The following USP4 variants were observed in gnomAD, a reference collection of about 807,000 sequenced individuals.
USP4 encodes the protein ubiquitin carboxyl-terminal hydrolase 4.
A neutral mutation model predicts 118.2 loss-of-function variants in USP4; 72 were observed. The observed-to-expected ratio is 0.61, with a 90% CI of 0.50 to 0.74. USP4 has a LOEUF of 0.74. USP4 is among the 30% of genes least tolerant of loss of function. The pLI is 0.00. For synonymous variants in USP4, 415 were observed against 440.4 expected (o/e 0.94, Z 0.72); for missense variants, 1,037 against 1,185.7 (o/e 0.87, Z 1.84).
intron 7 of USP4, among the ~76,000 whole-genome samples, chr3:49,311,258 AC>A (rs534404209): frequency 2.0e-5 from 3 of 151,188 alleles, no homozygotes; most frequent in Non-Finnish European, 4.4e-5. Context: ...AAATGCAGTG[AC>A]CCCCCCACCC....
chr3:49,311,874 C>G, intron 6 of USP4: 1 of 1,217,314 alleles, frequency 8.2e-7, no homozygotes, highest in South Asian at 1.8e-5. Flanking sequence ...ACCACATACC[C>G]TTTCAGTGTG....
At chr3:49,299,486 G>A (rs1440817322) in intron 11 of USP4, among the ~76,000 whole-genome samples, 3 of 151,406 alleles carry the variant, frequency 2.0e-5, no homozygotes, top group Admixed American at 6.6e-5. Context: ...TCCGCCTCCC[G>A]GGTTCACGCC....
At position 49,277,303 on chromosome 3, in the gene USP4, C is replaced by T. The variant is rs771323272; in HGVS notation, c.*990G>A. The T allele has an allele frequency of 1.1e-5, 13 of 1,219,088 alleles. No individual in the cohort carries two copies. Among genetic ancestry groups the T allele is most frequent in the African/African-American group, 1.6e-5 (1 of 64,362 alleles). The allele number at this position is 1,219,088 out of a possible 1,614,324, so 75.5% of individuals were successfully genotyped here. A position where few individuals can be genotyped will look rare whatever the true frequency, so the allele number is the denominator to read the frequency against. Reference sequence around the variant, plus strand: ...ACAAAAAATCCCGGACCCATACGTCCGGTTCCTTAAGGCCTTGCCCACACG... The same window carrying T: ...ACAAAAAATCCCGGACCCATACGTCTGGTTCCTTAAGGCCTTGCCCACACG... On this transcript the variant is annotated 3_prime_UTR_variant, in exon 22 of 22. Transcript: ENST00000265560.
chr3:49,281,760 C>G (rs559501673), intron 19 of USP4, among the ~76,000 whole-genome samples: 1 of 149,714 alleles, frequency 6.7e-6, no homozygotes, highest in African/African-American at 2.5e-5. Flanking sequence ...TGCCTGTAAT[C>G]CCAGCACTTT....
intron 6 of USP4, chr3:49,316,721 T>C: frequency 3.2e-6 from 1 of 315,212 alleles, no homozygotes; most frequent in South Asian, 5.3e-5. Flanking sequence ...GTTTGGGTTC[T>C]GGGATGAAGG....
chr3:49,282,706 CTTTTT>C (rs999862081), intron 19 of USP4, among the ~76,000 whole-genome samples: 1 of 148,982 alleles, frequency 6.7e-6, no homozygotes, highest in Non-Finnish European at 1.5e-5. Flanking sequence ...GGGCAACTCC[CTTTTT>C]TTTTTCTTTT....
At chr3:49,335,914 A>C (rs1413428968) in intron 1 of USP4, among the ~76,000 whole-genome samples, 1 of 152,038 alleles carries the variant, frequency 6.6e-6, no homozygotes, top group African/African-American at 2.4e-5. Flanking sequence ...CCCAGGCTGG[A>C]GTATAGTGAC....
chr3:49,326,337 A>T (rs75534462), intron 3 of USP4, among the ~76,000 whole-genome samples: 30,190 of 151,298 alleles, frequency 0.2, 3,066 homozygotes, highest in Non-Finnish European at 0.23. Flanking sequence ...ATATATATAT[A>T]TTTTTTTTCT....
Position 49,278,860 on chromosome 3 carries a change from T to C in USP4, c.2687A>G (p.Tyr896Cys), listed in dbSNP as rs1303756337. 6.2e-7 allele frequency: 1 copy of C among 1,613,142 alleles called. No homozygotes were observed. The highest frequency in any genetic ancestry group is 1.7e-5 in the Admixed American group (1 of 59,812). ...CAGGGACACGTTGCTATCATCAAAG[T>C]AATACCATTTACCATTCAGTTTGTT... ...AKNKLNGKWY[Y>C]FDDSNVSLAS... Residue 896 changes from tyrosine to cysteine, a missense_variant, in exon 21 of 22, where the codon TAC (tyrosine) becomes TGC (cysteine). Transcript: ENST00000265560.
intron 15 of USP4, 45 bp downstream of exon 15, chr3:49,292,465 G>A (rs1473539489): frequency 1.6e-6 from 2 of 1,260,798 alleles, no homozygotes; most frequent in Non-Finnish European, 2.2e-6. Flanking sequence ...GGGAAATCAG[G>A]AGGTATTTGG....
intron 2 of USP4, among the ~76,000 whole-genome samples, chr3:49,332,780 A>G (rs983437931): frequency 3.3e-5 from 5 of 152,176 alleles, no homozygotes; most frequent in Non-Finnish European, 5.9e-5. Context: ...CTGTAATCCC[A>G]GCACTCTGGG....
chr3:49,281,542 T>TTA (rs1256115692), intron 19 of USP4, among the ~76,000 whole-genome samples: 8 of 89,260 alleles, frequency 9.0e-5, no homozygotes, highest in Admixed American at 3.0e-4. Context: ...ATATATACAT[T>TTA]TATATATACA....
chr3:49,280,733 T>A lies in USP4; in HGVS notation c.2644+11A>T. The A allele has an allele frequency of 6.2e-7, 1 of 1,610,642 alleles. No homozygotes were observed. Among genetic ancestry groups the A allele is most frequent in the Non-Finnish European group, 8.5e-7 (1 of 1,176,908 alleles). On this transcript the variant is annotated intron_variant, in intron 20 of 21. Coordinates refer to ENST00000265560, the MANE Select transcript of USP4 (RefSeq NM_003363.4). ...TCAACATCTCAGAAGGAAGCAGATG[T>A]CAATACTTACAGTGGCCAACCCCCA...
intron 11 of USP4, among the ~76,000 whole-genome samples, chr3:49,299,245 A>G (rs1240549095): frequency 6.6e-6 from 1 of 151,286 alleles, no homozygotes; most frequent in Non-Finnish European, 1.5e-5. Flanking sequence ...GCGCACCACC[A>G]CGCCTGGATA....
At chr3:49,294,822 G>A (rs2047186357) in intron 13 of USP4, among the ~76,000 whole-genome samples, 1 of 152,148 alleles carries the variant, frequency 6.6e-6, no homozygotes, top group African/African-American at 2.4e-5. Flanking sequence ...CTGGGGCTGA[G>A]GGCTAACCGT....
intron 6 of USP4, among the ~76,000 whole-genome samples, chr3:49,314,548 G>A (rs2047416457): frequency 6.6e-6 from 1 of 152,178 alleles, no homozygotes; most frequent in South Asian, 2.1e-4. Context: ...TATGCATAAA[G>A]AAAGTCTGCT....
In USP4 at chr3:49,325,971, G is replaced by T. The variant is rs138798312; in HGVS notation, c.361-126C>A. 345 of 1,215,828 alleles carry T rather than the reference G, an allele frequency of 2.8e-4. 1 individual carries two copies. Among genetic ancestry groups the T allele is most frequent in the Non-Finnish European group, 3.5e-4 (306 of 883,578 alleles). The allele number at this position is 1,215,828 out of a possible 1,614,324, so 75.3% of individuals were successfully genotyped here. ...AATCCATTTCCTTTACTGATCAAGG[G>T]ATCAAAAGAACAGATTTTTAAAGCT... On this transcript the variant is annotated intron_variant, in intron 3 of 21. Coordinates refer to ENST00000265560, the MANE Select transcript of USP4 (RefSeq NM_003363.4).
intron 3 of USP4, among the ~76,000 whole-genome samples, chr3:49,327,169 G>T (rs1260486167): frequency 6.6e-6 from 1 of 152,166 alleles, no homozygotes; most frequent in Non-Finnish European, 1.5e-5. Context: ...CCACTGGGCA[G>T]CTCTGATGTT....
intron 3 of USP4, among the ~76,000 whole-genome samples, chr3:49,326,459 C>A (rs761074654): frequency 2.0e-5 from 3 of 151,970 alleles, no homozygotes; most frequent in Non-Finnish European, 4.4e-5. Flanking sequence ...TGCAGTGGTG[C>A]GATCTCAGCT....
Sources: allele counts gnomAD v4.1 joint callset (sites outside exome capture counted in the v4.1 genomes callset), GRCh38; gene constraint gnomAD v4.1.1; transcripts MANE v1.5; gene names NCBI Gene and HGNC (gene_info 2026-07-23, HGNC 2026-07-21).